C18orf63: variants seen among roughly 807,000 people sequenced by gnomAD.
C18orf63 encodes the protein chromosome 18 open reading frame 63, also known as uncharacterized protein C18orf63.
A neutral mutation model predicts 75.3 loss-of-function variants in C18orf63; 50 were observed. The observed-to-expected ratio is 0.66, with a 90% CI of 0.53 to 0.84. The LOEUF (loss-of-function observed/expected upper bound fraction) is 0.84. Ranked by LOEUF, C18orf63 falls within the 40% of genes least tolerant of loss-of-function variation. C18orf63 has a pLI of 0.00. For synonymous variants in C18orf63, 232 were observed against 267.6 expected (o/e 0.87, Z 1.30); for missense variants, 732 against 800.2 (o/e 0.91, Z 1.03).
In C18orf63 at chr18:74,353,582, T is replaced by G; in HGVS notation, c.1315T>G (p.Phe439Val). The G allele has an allele frequency of 6.5e-7, 1 of 1,536,424 alleles. No individual in the cohort carries two copies. The highest frequency in any genetic ancestry group is 8.7e-7 in the Non-Finnish European group (1 of 1,146,960). Residue 439 changes from phenylalanine (F) to valine (V), a missense_variant, in exon 12 of 14, where the codon TTC (phenylalanine) becomes GTC (valine). Physicochemically the swap from Phe to Val is conservative, Grantham distance 50. Coordinates refer to ENST00000579455, the MANE Select transcript of C18orf63 (RefSeq NM_001174123.2). The stretch of plus-strand genomic sequence containing the variant: ...CATCACCCCTAAGTTTGTACCAGTT[T>G]TCAAAAATAGATTGTTACAAATGAA... Reference protein sequence around the residue: ...SNITPKFVPVFKNRLLQMNKN... With the variant: ...SNITPKFVPVVKNRLLQMNKN...
rs963585517 is a variant in C18orf63, at chr18:74,356,974, G to A, written c.*527G>A. The A allele has an allele frequency of 5.3e-5, 8 of 151,814 alleles. No individual in the cohort carries two copies. Among genetic ancestry groups the A allele is most frequent in the Non-Finnish European group, 1.2e-4 (8 of 67,986 alleles). 9.4% of individuals were successfully genotyped at this position (151,814 alleles called of 1,614,324 possible). A position where few individuals can be genotyped will look rare whatever the true frequency, so the allele number is the denominator to read the frequency against. ...TAATTTTACCCATAAACACCAAAGT[G>A]TATATATTTCTAACATAAGATATAG... On this transcript the variant is annotated 3_prime_UTR_variant, in exon 14 of 14. Coordinates refer to ENST00000579455, the MANE Select transcript of C18orf63 (RefSeq NM_001174123.2).
At chr18:74,327,449 G>GC (rs1984227641) in intron 4 of C18orf63, among the ~76,000 whole-genome samples, 1 of 152,166 alleles carries the variant, frequency 6.6e-6, no homozygotes, top group African/African-American at 2.4e-5. Context: ...AGTTTGTCTG[G>GC]CAATAATTTC....
At chr18:74,323,661 T>C (rs1324325558) in intron 4 of C18orf63, among the ~76,000 whole-genome samples, 1 of 152,220 alleles carries the variant, frequency 6.6e-6, no homozygotes, top group Non-Finnish European at 1.5e-5. Context: ...CTCTACCATA[T>C]TCTATTATTT....
At chr18:74,320,686 A>G (rs915739502) in intron 3 of C18orf63, 95 bp downstream of exon 3, 11 of 712,702 alleles carry the variant, frequency 1.5e-5, no homozygotes, top group African/African-American at 1.3e-4. Context: ...TAAGATGTTT[A>G]TGAGGATTAA....
chr18:74,322,647 T>TTA (rs148436042), intron 3 of C18orf63, 51 bp from the exon 4 acceptor site: 406 of 576,024 alleles, frequency 7.0e-4, no homozygotes, highest in African/African-American at 1.4e-3. Flanking sequence ...CATTATTTAA[T>TTA]TATATATATA....
intron 7 of C18orf63, among the ~76,000 whole-genome samples, chr18:74,331,767 C>G (rs1984311525): frequency 6.6e-6 from 1 of 152,126 alleles, no homozygotes; most frequent in Admixed American, 6.6e-5. Context: ...CTTAGAATGC[C>G]CCTCTGATTG....
At chr18:74,318,295 G>A (rs974679444) in intron 2 of C18orf63, among the ~76,000 whole-genome samples, 3 of 152,164 alleles carry the variant, frequency 2.0e-5, no homozygotes, top group African/African-American at 7.2e-5. Context: ...CAGGCTCCCA[G>A]AAACTTAGAG....
At chr18:74,350,464 A>G (rs1984648469) in intron 11 of C18orf63, among the ~76,000 whole-genome samples, 1 of 152,078 alleles carries the variant, frequency 6.6e-6, no homozygotes, top group South Asian at 2.1e-4. Context: ...AAAAGGGGCA[A>G]TTGGATACAG....
chr18:74,332,741 C>G (rs1984331069), intron 7 of C18orf63, among the ~76,000 whole-genome samples: 1 of 149,382 alleles, frequency 6.7e-6, no homozygotes, highest in African/African-American at 2.5e-5. Flanking sequence ...AAGGCTCCAT[C>G]TCTCAATACT....
intron 6 of C18orf63, among the ~76,000 whole-genome samples, chr18:74,330,068 TG>T (rs35982542): frequency 0.51 from 77,168 of 151,604 alleles, 20,213 homozygotes; most frequent in Non-Finnish European, 0.58. Context: ...TCTGGGTGAA[TG>T]GGTTCATTAC....
intron 7 of C18orf63, among the ~76,000 whole-genome samples, chr18:74,334,650 G>A (rs1295280292): frequency 6.6e-6 from 1 of 151,998 alleles, no homozygotes; most frequent in Non-Finnish European, 1.5e-5. Flanking sequence ...TCAGGTTGTG[G>A]GGAGGGGAGA....
chr18:74,333,196 C>T (rs1162836846), intron 7 of C18orf63, among the ~76,000 whole-genome samples: 1 of 152,138 alleles, frequency 6.6e-6, no homozygotes, highest in African/African-American at 2.4e-5. Flanking sequence ...CAGACTTACC[C>T]ACCCACTTAT....
intron 11 of C18orf63, among the ~76,000 whole-genome samples, chr18:74,351,750 A>G (rs1213336018): frequency 6.6e-6 from 1 of 152,134 alleles, no homozygotes; most frequent in African/African-American, 2.4e-5. Context: ...CCTATTTCCA[A>G]CTCTGATTTC....
chr18:74,352,529 A>G (rs1334501579), intron 11 of C18orf63, among the ~76,000 whole-genome samples: 3 of 152,178 alleles, frequency 2.0e-5, no homozygotes, highest in African/African-American at 7.2e-5. Flanking sequence ...GCTACCACGT[A>G]CCAGGCACTG....
At chr18:74,331,655 A>G (rs746325030) in intron 7 of C18orf63, among the ~76,000 whole-genome samples, 1 of 152,192 alleles carries the variant, frequency 6.6e-6, no homozygotes, top group Non-Finnish European at 1.5e-5. Flanking sequence ...TCCCCTGCAC[A>G]GGACAGCCAT....
intron 6 of C18orf63, among the ~76,000 whole-genome samples, chr18:74,330,554 T>C (rs1360766693): frequency 1.3e-5 from 2 of 152,106 alleles, no homozygotes; most frequent in East Asian, 3.8e-4. Context: ...ATAATATATG[T>C]CAGATTTGTG....
rs916295813 is a variant in C18orf63, at chr18:74,322,633, A to G, written c.214-65A>G. 7 of 505,206 alleles carry G rather than the reference A, an allele frequency of 1.4e-5. No individual in the cohort carries two copies. In the Admixed American group the frequency reaches 2.2e-4, roughly 16 times the overall value. 31.3% of individuals were successfully genotyped at this position (505,206 alleles called of 1,614,324 possible). On this transcript the variant is annotated intron_variant, in intron 3 of 13. Coordinates refer to ENST00000579455, the MANE Select transcript of C18orf63 (RefSeq NM_001174123.2). ...CTGTAGAATAATGCTTAAAATCTTT[A>G]TTGCATTATTTAATTATATATATAT...
At chr18:74,342,719 GA>G (rs1355914239) in intron 10 of C18orf63, among the ~76,000 whole-genome samples, 10 of 152,214 alleles carry the variant, frequency 6.6e-5, no homozygotes, top group Admixed American at 5.2e-4. Context: ...CTTTTGAGGA[GA>G]TTATCTAATT....
In C18orf63 at chr18:74,353,427, T is replaced by G; in HGVS notation, c.1160T>G (p.Leu387Arg). 6.5e-7 allele frequency: 1 copy of G among 1,536,360 alleles called. No homozygotes were observed. The highest frequency in any genetic ancestry group is 2.4e-5 in the East Asian group (1 of 40,916). The change falls in exon 12 of 14, where the codon CTC (leucine) becomes CGC (arginine). Residue 387 changes from leucine (L) to arginine (R), a missense_variant. Leu to Arg is a moderately radical substitution (Grantham distance 102). Around this residue, in one of 3 missense-constraint regions of C18orf63, gnomAD observed 495 missense variants for 508.7 expected, o/e 0.97. Transcript: ENST00000579455. Reference protein sequence around the residue: ...PTSGIFSALHLQPESVQGRKK... With the variant: ...PTSGIFSALHRQPESVQGRKK... ...TCAGGCATTTTCTCAGCTTTGCATC[T>G]CCAGCCAGAGTCTGTTCAGGGTAGA...
Sources: allele counts gnomAD v4.1 joint callset (sites outside exome capture counted in the v4.1 genomes callset), GRCh38; gene constraint gnomAD v4.1.1; regional missense constraint gnomAD v4.1.1; transcripts MANE v1.5; gene names NCBI Gene and HGNC (gene_info 2026-07-23, HGNC 2026-07-21).